Variants in RMDN1 observed in about 807,000 individuals in gnomAD.
The protein encoded by RMDN1 is regulator of microtubule dynamics 1, also known as regulator of microtubule dynamics protein 1.
Under a neutral mutation model 48.9 loss-of-function variants are expected in RMDN1, and 48 were observed. The observed-to-expected ratio is 0.98, with a 90% confidence interval of 0.78 to 1.25. RMDN1 has a LOEUF of 1.25. Among genes scored for constraint, RMDN1 ranks in the 50% most tolerant of loss-of-function variants. The pLI, the probability that RMDN1 is intolerant of heterozygous loss-of-function variation, is 0.00. For missense variants in RMDN1, 418 were observed against 373.4 expected (o/e 1.12, Z -0.98); for synonymous variants, 148 against 132.6 (o/e 1.12, Z -0.80).
intron 1 of RMDN1, chr8:86,508,231 C>T (rs908740087): frequency 4.7e-6 from 2 of 422,958 alleles, no homozygotes; most frequent in Non-Finnish European, 8.4e-6. Flanking sequence ...TTACATTTCG[C>T]ACAAGAAGGG....
intron 4 of RMDN1, 102 bp downstream of exon 4, chr8:86,486,382 T>G: frequency 2.4e-6 from 2 of 834,530 alleles, no homozygotes; most frequent in Non-Finnish European, 3.3e-6. Flanking sequence ...AAAAAAAACT[T>G]AAAATAGAGA....
intron 2 of RMDN1, among the ~76,000 whole-genome samples, chr8:86,501,218 TAAAC>T (rs1818160799): frequency 2.0e-5 from 3 of 152,124 alleles, no homozygotes; most frequent in East Asian, 3.9e-4. Flanking sequence ...GGAAAAAAAA[TAAAC>T]AAGAAAAAAA....
At chr8:86,508,424 T>C in intron 1 of RMDN1, 68 bp downstream of exon 1, 3 of 1,468,798 alleles carry the variant, frequency 2.0e-6, no homozygotes, top group Non-Finnish European at 2.7e-6. Context: ...CGCCACCACT[T>C]AAGTTAAGGG....
downstream of RMDN1, chr8:86,470,295 T>G (rs1280982368): frequency 4.7e-6 from 6 of 1,288,972 alleles, no homozygotes; most frequent in Middle Eastern, 2.1e-4. Context: ...AACAATCAGG[T>G]GGGGGCTGCA....
At position 86,489,840 on chromosome 8, in the gene RMDN1, A is replaced by C. The variant is rs987731769; in HGVS notation, c.248-1201T>G. Among the ~76,000 whole-genome samples, 3 of 141,852 alleles carry C rather than the reference A, an allele frequency of 2.1e-5. No homozygotes were observed. In the East Asian group the frequency reaches 6.7e-4, roughly 32 times the overall value. The allele number at this position is 141,852 out of a possible 152,430, so 93.1% of individuals were successfully genotyped here. A position where few individuals can be genotyped will look rare whatever the true frequency, so the allele number is the denominator to read the frequency against. Reference sequence around the variant, plus strand: ...GCAAGACTCTGTCTCAAAAAAAAAAAGGGGGGGGATGGGGGTAGTTCTAGT... The same window carrying C: ...GCAAGACTCTGTCTCAAAAAAAAAACGGGGGGGGATGGGGGTAGTTCTAGT... On this transcript the variant is annotated intron_variant, in intron 2 of 9. Coordinates refer to ENST00000406452, the MANE Select transcript of RMDN1 (RefSeq NM_016033.3).
chr8:86,511,452 G>A (rs1418266822), upstream of RMDN1, among the ~76,000 whole-genome samples: 1 of 151,498 alleles, frequency 6.6e-6, no homozygotes, highest in Non-Finnish European at 1.5e-5. Flanking sequence ...CCAGCCTGGT[G>A]ACAGAGCTAG....
intron 2 of RMDN1, among the ~76,000 whole-genome samples, chr8:86,493,605 A>C (rs1816856943): frequency 6.6e-6 from 1 of 152,182 alleles, no homozygotes; most frequent in Non-Finnish European, 1.5e-5. Context: ...CAGAAAGACA[A>C]ATATAGGTTG....
At chr8:86,511,814 CT>C (rs1285497051), upstream of RMDN1, among the ~76,000 whole-genome samples, 610 of 121,166 alleles carry the variant, frequency 5.0e-3, 6 homozygotes, top group African/African-American at 0.017. Context: ...GAACCTGTCT[CT>C]CAAAAAAAAA....
intron 2 of RMDN1, among the ~76,000 whole-genome samples, chr8:86,500,128 A>T (rs1817975381): frequency 6.6e-6 from 1 of 152,184 alleles, no homozygotes; most frequent in African/African-American, 2.4e-5. Flanking sequence ...CCTGGCAAAG[A>T]TTTCATGGCA....
intron 2 of RMDN1, among the ~76,000 whole-genome samples, chr8:86,498,193 T>C (rs899631380): frequency 8.6e-5 from 13 of 151,810 alleles, no homozygotes; most frequent in Admixed American, 5.2e-4. Context: ...CATCCCAAGA[T>C]TGAACCAGGA....
chr8:86,471,188 G>A (rs1378259756), downstream of RMDN1, among the ~76,000 whole-genome samples: 1 of 134,092 alleles, frequency 7.5e-6, no homozygotes, highest in South Asian at 2.5e-4. Context: ...ATGATTTTTT[G>A]AAAGTAAAAA....
chr8:86,486,505 T>C lies in RMDN1; in HGVS notation c.474A>G (p.Glu158=). ...EYAKRALEKN[E]SSFASHKWYA... is the part of the protein sequence containing the mutation. ...TCACCTTATGAGATGCAAAACTTGA[T>C]TCATTTTTTTCTAGTGCTCTTTTTG... The change falls in exon 4 of 10, where the codon GAA becomes GAG. Residue 158 remains glutamate, a synonymous_variant. Coordinates refer to ENST00000406452, the MANE Select transcript of RMDN1 (RefSeq NM_016033.3). The C allele has an allele frequency of 6.3e-7, 1 of 1,598,588 alleles. No homozygotes were observed. Among genetic ancestry groups the C allele is most frequent in the Non-Finnish European group, 8.5e-7 (1 of 1,170,416 alleles).
intron 2 of RMDN1, among the ~76,000 whole-genome samples, chr8:86,500,321 A>T (rs889920224): frequency 1.3e-5 from 2 of 152,116 alleles, no homozygotes; most frequent in African/African-American, 4.8e-5. Flanking sequence ...TAGGGAACTT[A>T]AAACAATTGA....
At chr8:86,470,451 A>C, downstream of RMDN1, 2 of 1,237,506 alleles carry the variant, frequency 1.6e-6, no homozygotes, top group South Asian at 1.4e-5. Context: ...ACAGAATCAG[A>C]ATCTTGGGAA....
At chr8:86,476,642 A>G (rs568620525) in intron 8 of RMDN1, among the ~76,000 whole-genome samples, 1 of 152,242 alleles carries the variant, frequency 6.6e-6, no homozygotes, top group South Asian at 2.1e-4. Context: ...CTGCAATAGA[A>G]CTAGCCTGGC....
intron 6 of RMDN1, 30 bp downstream of exon 6, chr8:86,480,247 C>T (rs144358653): frequency 9.9e-5 from 115 of 1,158,806 alleles, no homozygotes; most frequent in Middle Eastern, 2.0e-4. Context: ...ACACTAAATA[C>T]TACTGAAATA....
intron 2 of RMDN1, among the ~76,000 whole-genome samples, chr8:86,498,826 A>G (rs1365665922): frequency 6.6e-6 from 1 of 150,928 alleles, no homozygotes; most frequent in African/African-American, 2.4e-5. Context: ...TCAAAAAAGT[A>G]TTTGCAAACT....
chr8:86,511,672 C>G (rs192896207), upstream of RMDN1, among the ~76,000 whole-genome samples: 94 of 151,704 alleles, frequency 6.2e-4, 1 homozygote, highest in Admixed American at 1.8e-3. Context: ...TAGCCAGACA[C>G]GGTGGCTCGT....
rs561101155 is a variant in RMDN1, at chr8:86,480,705, T to C, written c.586-373A>G. On this transcript the variant is annotated intron_variant, in intron 5 of 9. Coordinates refer to ENST00000406452, the MANE Select transcript of RMDN1 (RefSeq NM_016033.3). The stretch of plus-strand genomic sequence containing the variant: ...AAGGAAGTACTTTCTTGGCAAACTG[T>C]AGATGAATACTGAATAAAAGTCATT... Among the ~76,000 whole-genome samples, 204 of 152,230 alleles carry C rather than the reference T, an allele frequency of 1.3e-3. 2 individuals are homozygous for C. The highest frequency in any genetic ancestry group is 2.4e-5 in the African/African-American group (1 of 41,588).
Sources: allele counts gnomAD v4.1 joint callset (sites outside exome capture counted in the v4.1 genomes callset), GRCh38; gene constraint gnomAD v4.1.1; transcripts MANE v1.5; gene names NCBI Gene and HGNC (gene_info 2026-07-23, HGNC 2026-07-21).